PPP4R1: variants seen among roughly 807,000 people sequenced by gnomAD.
PPP4R1 encodes protein phosphatase 4 regulatory subunit 1.
A neutral mutation model predicts 111.2 loss-of-function variants in PPP4R1; 42 were observed. That is an observed-to-expected ratio of 0.38 (90% CI 0.29 to 0.49). The LOEUF is 0.49. PPP4R1 is among the 20% of genes least tolerant of loss of function. The pLI is 0.97. For missense variants in PPP4R1, 1,012 were observed against 1,161.6 expected (o/e 0.87, Z 1.87); for synonymous variants, 409 against 405.5 (o/e 1.01, Z -0.10).
At chr18:9,604,241 T>C (rs1375483801) in intron 2 of PPP4R1, among the ~76,000 whole-genome samples, 2 of 152,188 alleles carry the variant, frequency 1.3e-5, no homozygotes, top group African/African-American at 2.4e-5. Flanking sequence ...CCTAGACTGT[T>C]ATTAACATAA....
Position 9,614,292 on chromosome 18 carries a change from A to C in PPP4R1, c.8-22T>G. 1 of 1,273,150 alleles carries C rather than the reference A, an allele frequency of 7.9e-7. No homozygotes were observed. Among genetic ancestry groups the C allele is most frequent in the Non-Finnish European group, 1.0e-6 (1 of 996,184 alleles). The allele number at this position is 1,273,150 out of a possible 1,614,324, so 78.9% of individuals were successfully genotyped here. On this transcript the variant is annotated intron_variant, in intron 1 of 19. Transcript: ENST00000400556. The surrounding 1 kb of genome is among the most constrained non-coding windows in gnomAD (Gnocchi z 4.1). ...AGGTCTGCGCCGAGGGGAGAGAAGA[A>C]AGGCCCGGTCAGCGCCCCGGGGCCC...
At chr18:9,549,384 C>A in intron 18 of PPP4R1, 46 bp from the exon 19 acceptor site, 4 of 1,549,726 alleles carry the variant, frequency 2.6e-6, no homozygotes, top group Non-Finnish European at 3.5e-6. Flanking sequence ...TCAATGTAGC[C>A]AAAAACTCGA....
chr18:9,612,994 CTGAG>C (rs1427086650), intron 2 of PPP4R1, among the ~76,000 whole-genome samples: 1 of 152,214 alleles, frequency 6.6e-6, no homozygotes, highest in Admixed American at 6.5e-5. Flanking sequence ...TAAGTTTACT[CTGAG>C]TAAGGGAACC....
intron 16 of PPP4R1, among the ~76,000 whole-genome samples, chr18:9,552,289 G>T (rs928466828): frequency 3.3e-5 from 5 of 152,160 alleles, no homozygotes. Flanking sequence ...ACAGGCTTAT[G>T]GAAAAGTGTT....
At chr18:9,615,842 G>A (rs2067682094), upstream of PPP4R1, among the ~76,000 whole-genome samples, 1 of 152,176 alleles carries the variant, frequency 6.6e-6, no homozygotes, top group African/African-American at 2.4e-5. Context: ...AAGAGACTAA[G>A]GAATCAGATC....
intron 5 of PPP4R1, 151 bp downstream of exon 5, chr18:9,588,560 G>C: frequency 2.2e-6 from 2 of 894,826 alleles, no homozygotes; most frequent in Non-Finnish European, 3.3e-6. Flanking sequence ...GGATCTACTA[G>C]ATTTGTCAGA....
chr18:9,585,980 G>C (rs2067109170), intron 6 of PPP4R1, among the ~76,000 whole-genome samples: 1 of 152,056 alleles, frequency 6.6e-6, no homozygotes, highest in Admixed American at 6.6e-5. Context: ...ACCATCATCA[G>C]AACTAGAGAT....
At chr18:9,614,594 G>T, upstream of PPP4R1, 1 of 701,462 alleles carries the variant, frequency 1.4e-6, no homozygotes, top group South Asian at 6.2e-5. The surrounding 1 kb of genome is among the most constrained non-coding windows in gnomAD (Gnocchi z 4.1). Context: ...GGAGGAGGAG[G>T]GCCGGGCTGG....
At chr18:9,606,070 G>A (rs1272529333) in intron 2 of PPP4R1, among the ~76,000 whole-genome samples, 1 of 152,144 alleles carries the variant, frequency 6.6e-6, no homozygotes, top group Non-Finnish European at 1.5e-5. Context: ...AAAATAACAA[G>A]TTTAATTAAA....
At chr18:9,585,586 C>A (rs113591382) in intron 6 of PPP4R1, among the ~76,000 whole-genome samples, 2,869 of 152,194 alleles carry the variant, frequency 0.019, 31 homozygotes, top group Non-Finnish European at 0.031. Context: ...ATACAGATTG[C>A]AAAGAAAGAA....
At chr18:9,556,649 C>T (rs543431881) in intron 15 of PPP4R1, among the ~76,000 whole-genome samples, 1 of 152,336 alleles carries the variant, frequency 6.6e-6, no homozygotes, top group African/African-American at 2.4e-5. Context: ...GAGACCACAG[C>T]TCCTCTATCA....
chr18:9,576,202 C>G (rs2066932967), intron 10 of PPP4R1, among the ~76,000 whole-genome samples: 1 of 152,090 alleles, frequency 6.6e-6, no homozygotes, highest in African/African-American at 2.4e-5. Flanking sequence ...AGCACAGTAT[C>G]AAGACCTACA....
intron 11 of PPP4R1, 189 bp from the exon 12 acceptor site, chr18:9,563,739 T>C (rs2066716735): frequency 1.5e-5 from 7 of 480,902 alleles, no homozygotes; most frequent in East Asian, 6.9e-5. Flanking sequence ...AGAAAACTAA[T>C]ATGCTTTCAT....
intron 16 of PPP4R1, 126 bp from the exon 17 acceptor site, chr18:9,550,524 A>T: frequency 5.4e-6 from 6 of 1,102,976 alleles, no homozygotes; most frequent in Non-Finnish European, 6.5e-6. Context: ...CGCAAAGAGG[A>T]GTGATTAAGC....
At chr18:9,614,769 G>A (rs1233919783), upstream of PPP4R1, 3 of 147,770 alleles carry the variant, frequency 2.0e-5, no homozygotes, top group African/African-American at 7.3e-5. The surrounding 1 kb of genome is among the most constrained non-coding windows in gnomAD (Gnocchi z 4.1). Context: ...CTGCTTGCCG[G>A]GTCCCGGCCC....
chr18:9,563,555 A>G lies in PPP4R1; in HGVS notation c.1574-5T>C, dbSNP rs769363329. The stretch of plus-strand genomic sequence containing the variant: ...CGGACAGCACTTCCACTTGTGCTAC[A>G]GGCAAAATAAGGAAATGGACAAAGT... On this transcript the variant is annotated splice_region_variant and splice_polypyrimidine_tract_variant and intron_variant, in intron 11 of 19. Coordinates refer to ENST00000400556, the MANE Select transcript of PPP4R1 (RefSeq NM_001042388.3). The G allele has an allele frequency of 1.3e-6, 2 of 1,570,824 alleles. No individual in the cohort carries two copies. Among genetic ancestry groups the G allele is most frequent in the Admixed American group, 3.6e-5 (2 of 55,094 alleles).
intron 10 of PPP4R1, among the ~76,000 whole-genome samples, 165 bp from the exon 11 acceptor site, chr18:9,570,848 T>C (rs2066851008): frequency 6.6e-6 from 1 of 152,210 alleles, no homozygotes; most frequent in Non-Finnish European, 1.5e-5. Context: ...TGCTTCTTTC[T>C]CCATCAGCTG....
At chr18:9,592,591 T>G (rs1355842090) in intron 4 of PPP4R1, among the ~76,000 whole-genome samples, 1 of 151,634 alleles carries the variant, frequency 6.6e-6, no homozygotes, top group Non-Finnish European at 1.5e-5. Flanking sequence ...GTATACTGAA[T>G]GAATGGAATT....
chr18:9,605,965 A>G (rs1301188048), intron 2 of PPP4R1, among the ~76,000 whole-genome samples: 1 of 152,226 alleles, frequency 6.6e-6, no homozygotes, highest in Non-Finnish European at 1.5e-5. Context: ...AGAAGTAACG[A>G]GCAAACTGGC....
Sources: allele counts gnomAD v4.1 joint callset (sites outside exome capture counted in the v4.1 genomes callset), GRCh38; gene constraint gnomAD v4.1.1; non-coding constraint Gnocchi (gnomAD v3.1); transcripts MANE v1.5; gene names NCBI Gene and HGNC (gene_info 2026-07-23, HGNC 2026-07-21).